The following C19orf47 variants were observed in gnomAD, a reference collection of about 807,000 sequenced individuals.
C19orf47 encodes chromosome 19 open reading frame 47.
C19orf47 carries 18 observed loss-of-function variants against 32.3 expected under a neutral mutation model. The observed-to-expected ratio is 0.56, with a 90% CI of 0.39 to 0.83. The LOEUF (loss-of-function observed/expected upper bound fraction) is 0.83, where lower values mean the gene tolerates loss of function less well. Ranked by LOEUF, C19orf47 falls within the 40% of genes least tolerant of loss-of-function variation. The pLI is 0.00. For missense variants in C19orf47, 484 were observed against 531.6 expected (o/e 0.91, Z 0.88); for synonymous variants, 202 against 211.1 (o/e 0.96, Z 0.37).
chr19:40,312,391 A>G, the C19orf47 span, among the ~76,000 whole-genome samples: 1 of 152,064 alleles, frequency 6.6e-6, no homozygotes, highest in African/African-American at 2.4e-5. Context: ...TAAAAATACA[A>G]AAAATTAGCC....
intron 1 of C19orf47, among the ~76,000 whole-genome samples, chr19:40,344,991 G>A (rs987145541): frequency 6.6e-6 from 1 of 152,148 alleles, no homozygotes; most frequent in Non-Finnish European, 1.5e-5. Flanking sequence ...CATATAGCAA[G>A]TAAAGGAAGC....
At chr19:40,296,914 A>C in the C19orf47 span, among the ~76,000 whole-genome samples, 3 of 146,228 alleles carry the variant, frequency 2.1e-5, no homozygotes, top group African/African-American at 7.5e-5. Context: ...ACCCTGTCTC[A>C]AAAAAAAAAA....
chr19:40,330,058 A>G (rs1380139080), intron 5 of C19orf47, among the ~76,000 whole-genome samples: 1 of 152,170 alleles, frequency 6.6e-6, no homozygotes, highest in Non-Finnish European at 1.5e-5. Flanking sequence ...ATATCAGAAT[A>G]CAAAGAACTG....
At chr19:40,315,285 G>C (rs906666522), downstream of C19orf47, among the ~76,000 whole-genome samples, 3 of 152,158 alleles carry the variant, frequency 2.0e-5, no homozygotes, top group African/African-American at 7.2e-5. Context: ...ATTAATATTA[G>C]GAGTAACTGA....
At position 40,324,023 on chromosome 19, in the gene C19orf47, T is replaced by C. The variant is rs771813525; in HGVS notation, c.646A>G (p.Thr216Ala). 13 of 1,614,104 alleles carry C rather than the reference T, an allele frequency of 8.1e-6. No individual in the cohort carries two copies. The highest frequency in any genetic ancestry group is 1.1e-5 in the Non-Finnish European group (13 of 1,180,038). ...DRLGAETKAD[T>A]TTGSKPTGVF... ...CCACTCACTTTACTCCCTGTCGTGG[T>C]GTCTGCCTTGGTCTCGGCGCCGAGG... The change falls in exon 8 of 9, where the codon ACC becomes GCC. Residue 216 changes from threonine to alanine, a missense_variant. By Grantham distance (58) the Thr-to-Ala change is moderately conservative. Coordinates refer to ENST00000683109, the MANE Select transcript of C19orf47 (RefSeq NM_001256441.2).
At chr19:40,329,271 G>A (rs1354123435) in intron 5 of C19orf47, among the ~76,000 whole-genome samples, 1 of 152,092 alleles carries the variant, frequency 6.6e-6, no homozygotes, top group Non-Finnish European at 1.5e-5. Context: ...ACTTTGGGAG[G>A]CCTAGGGGGA....
chr19:40,314,118 A>G, the C19orf47 span, among the ~76,000 whole-genome samples: 1 of 152,126 alleles, frequency 6.6e-6, no homozygotes, highest in Non-Finnish European at 1.5e-5. Flanking sequence ...AGAGCCTGAA[A>G]GTAAGGACAC....
rs1367227219 is a variant in C19orf47, at chr19:40,321,144, C to T, written c.*738G>A. 1.2e-5 allele frequency: 10 copies of T among 815,992 alleles called. No individual in the cohort carries two copies. Among genetic ancestry groups the T allele is most frequent in the Non-Finnish European group, 1.3e-5 (9 of 674,028 alleles). 50.5% of individuals were successfully genotyped at this position (815,992 alleles called of 1,614,324 possible). On this transcript the variant is annotated 3_prime_UTR_variant, in exon 9 of 9. Transcript: ENST00000683109. ...CTCCCTTCCCAGTGCCCCTTGCCCA[C>T]CACCCGCCATACACTTTCAGAGACA...
At chr19:40,300,348 C>G in the C19orf47 span, among the ~76,000 whole-genome samples, 1 of 151,512 alleles carries the variant, frequency 6.6e-6, no homozygotes. Flanking sequence ...ACCTGTAATC[C>G]CAGCTACTTG....
intron 1 of C19orf47, among the ~76,000 whole-genome samples, chr19:40,345,237 G>C (rs552319154): frequency 1.3e-5 from 2 of 152,176 alleles, no homozygotes; most frequent in South Asian, 4.1e-4. Context: ...AATTATAATA[G>C]TGATTTTAAA....
At chr19:40,323,282 G>A (rs1156345567) in intron 8 of C19orf47, among the ~76,000 whole-genome samples, 1 of 152,260 alleles carries the variant, frequency 6.6e-6, no homozygotes, top group Non-Finnish European at 1.5e-5. Context: ...GCACACCCCA[G>A]CACCATGCGG....
At chr19:40,314,659 T>C (rs1428021349), downstream of C19orf47, among the ~76,000 whole-genome samples, 1 of 152,180 alleles carries the variant, frequency 6.6e-6, no homozygotes, top group African/African-American at 2.4e-5. Flanking sequence ...TTCCAAATAA[T>C]TTATGTAAAT....
At chr19:40,328,383 T>A in intron 6 of C19orf47, 30 bp downstream of exon 6, 2 of 1,608,622 alleles carry the variant, frequency 1.2e-6, no homozygotes, top group Non-Finnish European at 1.7e-6. Flanking sequence ...CCCCTCCAGC[T>A]CCTCCTACCA....
intron 1 of C19orf47, among the ~76,000 whole-genome samples, chr19:40,347,393 G>A (rs1020164574): frequency 6.6e-6 from 1 of 152,006 alleles, no homozygotes; most frequent in Non-Finnish European, 1.5e-5. Context: ...TTAGCCGGGC[G>A]TGGTGGCGCA....
the C19orf47 span, among the ~76,000 whole-genome samples, chr19:40,304,769 G>A: frequency 6.6e-6 from 1 of 152,102 alleles, no homozygotes; most frequent in Non-Finnish European, 1.5e-5. Flanking sequence ...ATGTAGCCCA[G>A]TCAAAGAACC....
chr19:40,345,079 G>A (rs895729411), intron 1 of C19orf47, among the ~76,000 whole-genome samples: 1 of 152,154 alleles, frequency 6.6e-6, no homozygotes, highest in Non-Finnish European at 1.5e-5. Flanking sequence ...AGGTACTATG[G>A]TCTGTTTTTC....
intron 2 of C19orf47, among the ~76,000 whole-genome samples, chr19:40,338,550 A>G (rs1344167919): frequency 2.0e-5 from 3 of 151,824 alleles, no homozygotes; most frequent in African/African-American, 4.8e-5. Context: ...ATGAACAGCT[A>G]ATTTTTGTAT....
intron 1 of C19orf47, among the ~76,000 whole-genome samples, chr19:40,344,512 A>G (rs752093473): frequency 2.0e-5 from 3 of 152,068 alleles, no homozygotes; most frequent in Non-Finnish European, 2.9e-5. Context: ...ACAGTACAAC[A>G]TGCATCTCTC....
In C19orf47 at chr19:40,322,033, G is replaced by A; in HGVS notation, c.1007C>T (p.Thr336Ile). ...PEAQDSQVTSTKSKSSAEVKV... is the reference protein window; with the variant it reads ...PEAQDSQVTSIKSKSSAEVKV... Reference sequence around the variant, plus strand: ...GACCTCGGCTGAGGACTTACTCTTGGTGCTGGTGACCTGGCTGTCCTGGGC... The same window carrying A: ...GACCTCGGCTGAGGACTTACTCTTGATGCTGGTGACCTGGCTGTCCTGGGC... The change falls in exon 9 of 9, where the codon ACC (threonine) becomes ATC (isoleucine). Residue 336 changes from threonine to isoleucine, a missense_variant. Coordinates refer to ENST00000683109, the MANE Select transcript of C19orf47 (RefSeq NM_001256441.2). 2 of 1,614,188 alleles carry A rather than the reference G, an allele frequency of 1.2e-6. No individual in the cohort carries two copies. The highest frequency in any genetic ancestry group is 1.1e-5 in the South Asian group (1 of 91,088).
Sources: allele counts gnomAD v4.1 joint callset (sites outside exome capture counted in the v4.1 genomes callset), GRCh38; gene constraint gnomAD v4.1.1; transcripts MANE v1.5; gene names NCBI Gene and HGNC (gene_info 2026-07-23, HGNC 2026-07-21).